The following PDE4D variants were observed in gnomAD, a reference collection of about 807,000 sequenced individuals.
The protein encoded by PDE4D is 3',5'-cyclic-AMP phosphodiesterase 4D.
In PDE4D, 24 loss-of-function variants were observed where a neutral mutation model predicts 87.4. That is an observed-to-expected ratio of 0.27 (90% CI 0.20 to 0.39). The LOEUF is 0.39. PDE4D is among the 10% of genes least tolerant of loss of function. The pLI is 1.00. For missense variants in PDE4D, 714 were observed against 1,041.0 expected, an observed-to-expected ratio of 0.69 and a Z score of 4.32; for synonymous variants, 384 against 383.2, an observed-to-expected ratio of 1.00 and a Z score of -0.02.
chr5:59,710,775 A>G (rs1754091471), intron 1 of PDE4D, among the ~76,000 whole-genome samples: 1 of 152,126 alleles, frequency 6.6e-6, no homozygotes, highest in Non-Finnish European at 1.5e-5. Context: ...CTGTTTGGAT[A>G]TTTAAAAGTC....
At chr5:58,992,558 T>C (rs1748157776) in intron 7 of PDE4D, among the ~76,000 whole-genome samples, 1 of 152,162 alleles carries the variant, frequency 6.6e-6, no homozygotes, top group Non-Finnish European at 1.5e-5. Context: ...ACTTTTTATT[T>C]CTGTATGATA....
chr5:59,191,661 C>G (rs917680153), intron 3 of PDE4D, among the ~76,000 whole-genome samples: 13 of 151,958 alleles, frequency 8.6e-5, no homozygotes, highest in Non-Finnish European at 1.8e-4. Context: ...CTCCACCTCC[C>G]GGGTTCAAGC....
chr5:59,401,554 C>A (rs1790652713), intron 1 of PDE4D, among the ~76,000 whole-genome samples: 1 of 151,832 alleles, frequency 6.6e-6, no homozygotes, highest in South Asian at 2.1e-4. Flanking sequence ...GGGAGGGTGG[C>A]GTGCAATTGA....
At chr5:59,239,578 C>T (rs975432989) in intron 1 of PDE4D, among the ~76,000 whole-genome samples, 6 of 152,132 alleles carry the variant, frequency 3.9e-5, no homozygotes, top group Non-Finnish European at 5.9e-5. Flanking sequence ...ATTACTATGC[C>T]GGATAAAGCA....
intron 1 of PDE4D, among the ~76,000 whole-genome samples, chr5:60,517,722 C>T (rs534823431): frequency 2.6e-5 from 4 of 152,308 alleles, no homozygotes; most frequent in African/African-American, 9.6e-5. Flanking sequence ...CTTCAGGTCT[C>T]CTGGGAGCTG....
chr5:58,976,314 C>T, intron 13 of PDE4D, 36 bp downstream of exon 13: 2 of 1,431,290 alleles, frequency 1.4e-6, no homozygotes, highest in African/African-American at 2.9e-5. Context: ...TGTGCACAGA[C>T]ACACACACAC....
rs1291558503 is a variant in PDE4D at position 60,001,711 on chromosome 5, G to A, written c.43-12994C>T. 2.6e-5 allele frequency among the ~76,000 whole-genome samples: 4 copies of A among 152,132 alleles called. No individual in the cohort carries two copies. In the East Asian group the frequency reaches 5.8e-4, roughly 22 times the overall value. ...GTTACAGTAATTTGTTAATGGATAT[G>A]CAATACAAAAAGATGCAAAGCATGA... On this transcript the variant is annotated intron_variant, in intron 2 of 16. Coordinates refer to the PDE4D transcript ENST00000502484.
At chr5:60,305,822 T>C (rs1202927676) in intron 1 of PDE4D, among the ~76,000 whole-genome samples, 1 of 151,660 alleles carries the variant, frequency 6.6e-6, no homozygotes, top group Admixed American at 6.6e-5. Flanking sequence ...CATGTGTGTA[T>C]ACACACACAT....
intron 1 of PDE4D, among the ~76,000 whole-genome samples, chr5:59,529,802 A>G (rs972539919): frequency 2.6e-5 from 4 of 152,216 alleles, no homozygotes; most frequent in African/African-American, 9.6e-5. Context: ...AGCACCAGAT[A>G]CTAAGCTCCC....
chr5:60,068,255 C>A (rs1032226116), intron 2 of PDE4D, among the ~76,000 whole-genome samples: 5 of 152,016 alleles, frequency 3.3e-5, no homozygotes, highest in Non-Finnish European at 7.4e-5. Flanking sequence ...TTAACAGTAG[C>A]CATTCTACTA....
intron 1 of PDE4D, among the ~76,000 whole-genome samples, chr5:60,372,964 A>G (rs1458280838): frequency 6.6e-6 from 1 of 152,210 alleles, no homozygotes. Flanking sequence ...GGCGTTCACA[A>G]TCAGACACAC....
At chr5:60,422,306 T>TG (rs1743192326) in intron 1 of PDE4D, among the ~76,000 whole-genome samples, 1 of 152,214 alleles carries the variant, frequency 6.6e-6, no homozygotes, top group East Asian at 1.9e-4. Flanking sequence ...AAGGTCGGGT[T>TG]GTCCACAAAG....
chr5:59,244,684 G>C (rs1303784762), intron 1 of PDE4D, among the ~76,000 whole-genome samples: 27 of 87,512 alleles, frequency 3.1e-4, no homozygotes, highest in African/African-American at 8.5e-4. Flanking sequence ...GTGTGTCTGT[G>C]TGTGTGTGTG....
intron 1 of PDE4D, among the ~76,000 whole-genome samples, chr5:59,397,165 G>A (rs1413162636): frequency 1.7e-5 from 2 of 117,912 alleles, no homozygotes; most frequent in Non-Finnish European, 3.6e-5. Context: ...ACATTAGACA[G>A]ATCAACGAGA....
At chr5:59,256,508 C>T (rs1760991663) in intron 1 of PDE4D, among the ~76,000 whole-genome samples, 1 of 151,998 alleles carries the variant, frequency 6.6e-6, no homozygotes, top group Non-Finnish European at 1.5e-5. Context: ...AACTACCAAG[C>T]CCCAATTATA....
intron 2 of PDE4D, among the ~76,000 whole-genome samples, chr5:60,171,413 G>C (rs1051985623): frequency 3.3e-5 from 5 of 152,038 alleles, no homozygotes; most frequent in Admixed American, 2.6e-4. Context: ...GAAGTGCAAA[G>C]TAGAGACAAA....
chr5:60,293,629 AC>A (rs1356524129), intron 1 of PDE4D, among the ~76,000 whole-genome samples: 1 of 152,300 alleles, frequency 6.6e-6, no homozygotes, highest in African/African-American at 2.4e-5. Flanking sequence ...TCAGAGGCTA[AC>A]CTTTTTCCCT....
At chr5:60,143,341 T>A (rs1417426401) in intron 2 of PDE4D, among the ~76,000 whole-genome samples, 2 of 152,188 alleles carry the variant, frequency 1.3e-5, no homozygotes, top group Non-Finnish European at 2.9e-5. Flanking sequence ...ATAACAAAAT[T>A]TTGAAGGTCA....
intron 1 of PDE4D, among the ~76,000 whole-genome samples, chr5:59,585,365 G>A (rs566250047): frequency 1.2e-4 from 19 of 152,208 alleles, no homozygotes; most frequent in South Asian, 4.1e-4. Flanking sequence ...AAAGCCCTCC[G>A]AAACCTATAT....
Sources: allele counts gnomAD v4.1 joint callset (sites outside exome capture counted in the v4.1 genomes callset), GRCh38; gene constraint gnomAD v4.1.1; transcripts MANE v1.5; gene names NCBI Gene and HGNC (gene_info 2026-07-23, HGNC 2026-07-21).